The following CYP24A1 variants were observed in gnomAD, a reference collection of about 807,000 sequenced individuals.
CYP24A1 encodes cytochrome P450 family 24 subfamily A member 1, also known as 1,25-dihydroxyvitamin D(3) 24-hydroxylase, mitochondrial.
CYP24A1 carries 68 observed loss-of-function variants against 62.4 expected under a neutral mutation model. That is an observed-to-expected ratio of 1.09 (90% CI 0.90 to 1.33). The LOEUF (loss-of-function observed/expected upper bound fraction) is 1.33. Ranked by LOEUF, CYP24A1 falls within the 40% of genes most tolerant of loss-of-function variation. The probability of loss-of-function intolerance (pLI) is 0.00; values close to 1 mark genes in which losing one functional copy is unlikely to be tolerated. For synonymous variants in CYP24A1, 267 were observed against 253.0 expected (o/e 1.06, Z -0.52); for missense variants, 787 against 653.0 (o/e 1.21, Z -2.24).
At chr20:54,166,848 A>C (rs1239192681) in intron 4 of CYP24A1, among the ~76,000 whole-genome samples, 3 of 152,142 alleles carry the variant, frequency 2.0e-5, no homozygotes, top group Non-Finnish European at 4.4e-5. Flanking sequence ...CCTGGGCAAC[A>C]TGGCAAAACG....
intron 4 of CYP24A1, among the ~76,000 whole-genome samples, chr20:54,168,816 CTCCT>C (rs1290796652): frequency 6.0e-5 from 3 of 50,048 alleles, no homozygotes; most frequent in South Asian, 8.3e-4. Context: ...CCCTCCCTCC[CTCCT>C]TCCTTCCTTC....
chr20:54,169,645 T>C lies in CYP24A1; in HGVS notation c.587A>G (p.Glu196Gly). The C allele has an allele frequency of 6.2e-7, 1 of 1,614,180 alleles. No individual in the cohort carries two copies. Among genetic ancestry groups the C allele is most frequent in the Non-Finnish European group, 8.5e-7 (1 of 1,180,030 alleles). Residue 196 changes from glutamate (E) to glycine (G), a missense_variant, in exon 4 of 12, where the codon GAA becomes GGA. Glu to Gly is a moderately conservative substitution (Grantham distance 98). Coordinates refer to ENST00000216862, the MANE Select transcript of CYP24A1 (RefSeq NM_000782.5). ...GTACAAGTCTTCAACGTGGCCTCTT[T>C]CATCACAGAGCTCATCTATTCTGCC... ...FMGRIDELCDERGHVEDLYSE... is the reference protein window; with the variant it reads ...FMGRIDELCDGRGHVEDLYSE...
At chr20:54,161,120 C>G (rs1234820138) in intron 7 of CYP24A1, among the ~76,000 whole-genome samples, 1 of 152,278 alleles carries the variant, frequency 6.6e-6, no homozygotes, top group East Asian at 1.9e-4. Flanking sequence ...TCACAAGGCT[C>G]TGGCTAACAT....
downstream of CYP24A1, among the ~76,000 whole-genome samples, chr20:54,150,692 A>G (rs1479870210): frequency 2.0e-5 from 3 of 152,148 alleles, no homozygotes; most frequent in Non-Finnish European, 4.4e-5. Context: ...TCATTTCCCA[A>G]CTGTGTGACA....
At chr20:54,148,369 G>GACACAGACAC in the CYP24A1 span, among the ~76,000 whole-genome samples, 1 of 133,378 alleles carries the variant, frequency 7.5e-6, no homozygotes, top group Non-Finnish European at 1.6e-5. Flanking sequence ...CAGACACACA[G>GACACAGACAC]ACACACACAC....
In CYP24A1 at chr20:54,165,812, TCATACAA is replaced by T; in HGVS notation, c.655_661del (p.Leu219ArgfsTer16). 1 of 1,475,120 alleles carries T rather than the reference TCATACAA, an allele frequency of 6.8e-7. No individual in the cohort carries two copies. The highest frequency in any genetic ancestry group is 9.5e-7 in the Non-Finnish European group (1 of 1,053,026). 91.4% of individuals were successfully genotyped at this position (1,475,120 alleles called of 1,614,324 possible). A position where few individuals can be genotyped will look rare whatever the true frequency, so the allele number is the denominator to read the frequency against. ...CTTCTGGAGAAGCCCAAATCTCTTC[TCATACAA>T]CACGAGGCAGATACCTGTCATTTAA... is the stretch of plus-strand genomic sequence containing the variant. On this transcript the variant is annotated frameshift_variant, in exon 5 of 12. Coordinates refer to ENST00000216862, the MANE Select transcript of CYP24A1 (RefSeq NM_000782.5). LOFTEE classifies it high-confidence loss of function.
intron 3 of CYP24A1, among the ~76,000 whole-genome samples, chr20:54,169,998 G>A (rs1269907183): frequency 2.0e-5 from 3 of 152,106 alleles, no homozygotes; most frequent in South Asian, 2.1e-4. Flanking sequence ...TCAGAATGGG[G>A]GAATAAAACC....
At chr20:54,161,025 T>TG (rs1568968155) in intron 7 of CYP24A1, among the ~76,000 whole-genome samples, 1 of 152,206 alleles carries the variant, frequency 6.6e-6, no homozygotes, top group Non-Finnish European at 1.5e-5. Flanking sequence ...AAAACATAAA[T>TG]GATCAGGTGA....
intron 7 of CYP24A1, among the ~76,000 whole-genome samples, chr20:54,162,029 G>A (rs1208308613): frequency 6.6e-6 from 1 of 152,136 alleles, no homozygotes; most frequent in African/African-American, 2.4e-5. Flanking sequence ...GCCTATGGCA[G>A]GATTTGTTTG....
At chr20:54,158,202 G>C in intron 8 of CYP24A1, 38 bp from the exon 9 acceptor site, 1 of 1,611,968 alleles carries the variant, frequency 6.2e-7, no homozygotes. Flanking sequence ...GGTGAGCACA[G>C]TCTAAGTTCT....
intron 7 of CYP24A1, among the ~76,000 whole-genome samples, 170 bp from the exon 8 acceptor site, chr20:54,159,293 G>T (rs944777385): frequency 2.0e-5 from 3 of 151,780 alleles, no homozygotes; most frequent in Non-Finnish European, 4.4e-5. Flanking sequence ...TAAAAAAGCA[G>T]ACTTATTTCA....
chr20:54,167,096 T>G (rs2092674913), intron 4 of CYP24A1, among the ~76,000 whole-genome samples: 1 of 152,170 alleles, frequency 6.6e-6, no homozygotes, highest in Non-Finnish European at 1.5e-5. Context: ...AATTGGCTCT[T>G]GACTTATAAA....
intron 7 of CYP24A1, among the ~76,000 whole-genome samples, chr20:54,162,220 C>CTTTTGTTTTTTTTTTTTTTTTTTTTT (rs1568968780): frequency 1.4e-5 from 1 of 72,534 alleles, no homozygotes; most frequent in African/African-American, 6.3e-5. Context: ...GAGAGTATGC[C>CTTTTGTTTTTTTTTTTTTTTTTTTTT]TTTTTTTTTT....
rs387907324 is a variant in CYP24A1, at chr20:54,162,743, C to T, written c.964G>A (p.Glu322Lys). The change falls in exon 7 of 12, where the codon GAG (glutamate) becomes AAG (lysine). Residue 322 changes from glutamate (E) to lysine (K), a missense_variant. By Grantham distance (56) the Glu-to-Lys change is moderately conservative. Coordinates refer to ENST00000216862, the MANE Select transcript of CYP24A1 (RefSeq NM_000782.5). ...SKKELYAAVT[E>K]LQLAAVETTA... is the part of the protein sequence containing the mutation. ...GTTTCCACCGCAGCCAGCTGGAGCT[C>T]TGTGACAGCAGCATACAATTCTTTC... is the stretch of plus-strand genomic sequence containing the variant. The T allele has an allele frequency of 2.1e-5, 34 of 1,602,204 alleles. No homozygotes were observed. Among genetic ancestry groups the T allele is most frequent in the Non-Finnish European group, 2.5e-5 (29 of 1,169,510 alleles).
chr20:54,159,011 G>T lies in CYP24A1; in HGVS notation c.1103C>A (p.Ala368Glu), dbSNP rs1227845728. The T allele has an allele frequency of 9.3e-6, 15 of 1,613,994 alleles. No homozygotes were observed. Among genetic ancestry groups the T allele is most frequent in the South Asian group, 3.3e-5 (3 of 91,080 alleles). Reference protein sequence around the residue: ...SVLPENQVPRAEDLRNMPYLK... With the variant: ...SVLPENQVPREEDLRNMPYLK... ...ATACGGCATATTCCTCAAATCTTCT[G>T]CCCGTGGCACCTGATTCTCAGGTAA... The change falls in exon 8 of 12, where the codon GCA becomes GAA. Residue 368 changes from alanine to glutamate, a missense_variant. Transcript: ENST00000216862.
intron 11 of CYP24A1, among the ~76,000 whole-genome samples, chr20:54,155,779 AC>A (rs1449810859): frequency 1.3e-5 from 2 of 151,404 alleles, no homozygotes; most frequent in Admixed American, 1.3e-4. Flanking sequence ...TCTTAGGCTA[AC>A]TTTTGATCAC....
At chr20:54,166,142 G>A (rs1031737460) in intron 4 of CYP24A1, among the ~76,000 whole-genome samples, 4 of 152,118 alleles carry the variant, frequency 2.6e-5, no homozygotes, top group Non-Finnish European at 4.4e-5. Context: ...TGCAGGGTCG[G>A]GTCTGCACTC....
rs2092700676 is a variant in CYP24A1 at position 54,173,180 on chromosome 20, C to T, written c.259-81G>A. 26 of 1,552,798 alleles carry T rather than the reference C, an allele frequency of 1.7e-5. No individual in the cohort carries two copies. The highest frequency in any genetic ancestry group is 1.2e-4 in the South Asian group (11 of 89,354). ...GCGCTTTCCCTCCTCCCGCCTCCTT[C>T]CTCCTAGGGGACCGGGGACCCTCCC... On this transcript the variant is annotated intron_variant, in intron 1 of 11. Transcript: ENST00000216862. This position sits in a 1 kb window ranked among gnomAD's most constrained non-coding sequence, Gnocchi z 7.2.
downstream of CYP24A1, among the ~76,000 whole-genome samples, chr20:54,151,849 TA>T (rs1174330833): frequency 6.6e-6 from 1 of 152,134 alleles, no homozygotes; most frequent in Non-Finnish European, 1.5e-5. Flanking sequence ...CTAAGGAGAT[TA>T]CTGAGCACCT....
Sources: gnomAD v4.1 joint callset for allele counts (sites outside exome capture counted in the v4.1 genomes callset) on GRCh38, gnomAD v4.1.1 for gene constraint, Gnocchi (gnomAD v3.1) non-coding constraint, MANE v1.5 for transcripts, NCBI Gene and HGNC (gene_info 2026-07-23, HGNC 2026-07-21) for gene names.